Variants in DGKI observed in about 807,000 individuals in gnomAD.
DGKI encodes the protein DAG kinase iota.
DGKI carries 55 observed loss-of-function variants against 147.5 expected under a neutral mutation model. That is an observed-to-expected ratio of 0.37 (90% CI 0.30 to 0.47). The LOEUF (loss-of-function observed/expected upper bound fraction) is 0.47, where lower values mean the gene tolerates loss of function less well. DGKI is among the 20% of genes least tolerant of loss of function. The pLI, the probability that DGKI is intolerant of heterozygous loss-of-function variation, is 1.00. For synonymous variants in DGKI, 469 were observed against 477.1 expected (o/e 0.98, Z 0.22); for missense variants, 1,007 against 1,323.8 (o/e 0.76, Z 3.71).
At chr7:137,510,921 C>T (rs1816559024) in intron 21 of DGKI, among the ~76,000 whole-genome samples, 1 of 152,208 alleles carries the variant, frequency 6.6e-6, no homozygotes, top group Admixed American at 6.5e-5. Context: ...ACATCCCTAG[C>T]AGCTGACAGC....
chr7:137,749,985 G>C (rs1226939911), intron 1 of DGKI, among the ~76,000 whole-genome samples: 3 of 152,198 alleles, frequency 2.0e-5, no homozygotes, highest in African/African-American at 7.2e-5. Context: ...GACTGAGAAA[G>C]TGCAAACAGG....
At chr7:137,750,864 A>C (rs1305392857) in intron 1 of DGKI, among the ~76,000 whole-genome samples, 3 of 152,194 alleles carry the variant, frequency 2.0e-5, no homozygotes, top group African/African-American at 7.2e-5. Context: ...ATCCACAGAG[A>C]ATCTGGCTTG....
chr7:137,800,897 G>C (rs1015551714), intron 1 of DGKI, among the ~76,000 whole-genome samples: 4 of 152,140 alleles, frequency 2.6e-5, no homozygotes, highest in Admixed American at 2.6e-4. Context: ...TATATACTCA[G>C]TAAAGTTTGG....
chr7:137,673,175 C>T (rs1822913412), intron 3 of DGKI, among the ~76,000 whole-genome samples: 1 of 152,134 alleles, frequency 6.6e-6, no homozygotes, highest in Admixed American at 6.5e-5. Flanking sequence ...TGCAACAACC[C>T]TATGTCCAAA....
At chr7:137,530,615 A>G (rs1054519309) in intron 20 of DGKI, among the ~76,000 whole-genome samples, 6 of 152,154 alleles carry the variant, frequency 3.9e-5, no homozygotes, top group African/African-American at 1.4e-4. Context: ...GGTTTTCAAT[A>G]TGTGTTAAAT....
chr7:137,591,803 C>T (rs141011066), intron 12 of DGKI, among the ~76,000 whole-genome samples: 179 of 152,284 alleles, frequency 1.2e-3, no homozygotes, highest in African/African-American at 4.1e-3. Flanking sequence ...CTCTTTCCAA[C>T]CTTCCTCAAT....
intron 23 of DGKI, among the ~76,000 whole-genome samples, chr7:137,484,614 T>C (rs1815488369): frequency 6.6e-6 from 1 of 152,040 alleles, no homozygotes; most frequent in Admixed American, 6.6e-5. Context: ...ATCTACATCA[T>C]GTCTGAGAAA....
In DGKI at chr7:137,406,085, C is replaced by T. The variant is rs551503291; in HGVS notation, c.2920+1790G>A. Among the ~76,000 whole-genome samples the T allele has an allele frequency of 1.1e-3, 164 of 152,182 alleles. 1 individual carries two copies. Among genetic ancestry groups the T allele is most frequent in the Non-Finnish European group, 2.1e-3 (141 of 68,018 alleles). On this transcript the variant is annotated intron_variant, in intron 30 of 32. Transcript: ENST00000614521. The stretch of plus-strand genomic sequence containing the variant: ...TAACTCCAGAGAGAGGGTAGGTGGG[C>T]ACCAAATGGCTTAAGGTATCCAAGC...
intron 21 of DGKI, among the ~76,000 whole-genome samples, chr7:137,520,038 A>G (rs1816909957): frequency 6.6e-6 from 1 of 152,058 alleles, no homozygotes; most frequent in Non-Finnish European, 1.5e-5. Context: ...ATTTTATCAC[A>G]TATGCTGAGT....
chr7:137,596,084 G>A (rs373587555), intron 12 of DGKI, among the ~76,000 whole-genome samples: 10 of 150,100 alleles, frequency 6.7e-5, no homozygotes, highest in East Asian at 5.9e-4. Context: ...GAGGGAGGGA[G>A]AGGTGGAATG....
intron 23 of DGKI, among the ~76,000 whole-genome samples, chr7:137,479,859 A>G (rs1815310029): frequency 6.6e-6 from 1 of 152,082 alleles, no homozygotes; most frequent in Admixed American, 6.6e-5. Flanking sequence ...TTTTTAACAT[A>G]ATGTTGCATA....
intron 15 of DGKI, among the ~76,000 whole-genome samples, chr7:137,581,059 A>AAGAG (rs143276860): frequency 2.6e-5 from 4 of 151,182 alleles, no homozygotes; most frequent in African/African-American, 7.3e-5. Context: ...ATGAGACAGA[A>AAGAG]AGAGAGAGAG....
At chr7:137,647,886 T>A (rs1821885398) in intron 5 of DGKI, among the ~76,000 whole-genome samples, 1 of 152,224 alleles carries the variant, frequency 6.6e-6, no homozygotes, top group Admixed American at 6.5e-5. Context: ...ACTTGAATGG[T>A]CAACATCATT....
At chr7:137,428,221 T>G (rs1249552056) in intron 28 of DGKI, among the ~76,000 whole-genome samples, 1 of 151,046 alleles carries the variant, frequency 6.6e-6, no homozygotes, top group East Asian at 1.9e-4. Context: ...GTGGGCTTCA[T>G]CCCTGGGATG....
In DGKI at chr7:137,751,383, T is replaced by A. The variant is rs117128024; in HGVS notation, c.402-61381A>T. ...GGCAGTTAACTCTCTGAGAATAAGA[T>A]GGTATTCCATTCACCGAGTACCTCT... is the stretch of plus-strand genomic sequence containing the variant. On this transcript the variant is annotated intron_variant, in intron 1 of 32. Coordinates refer to ENST00000614521, the MANE Select transcript of DGKI (RefSeq NM_001321708.2). Among the ~76,000 whole-genome samples, 107 of 152,352 alleles carry A rather than the reference T, an allele frequency of 7.0e-4. 1 individual carries two copies. In the East Asian group the frequency reaches 0.01, roughly 15 times the overall value.
chr7:137,571,373 G>A (rs1314417245), intron 18 of DGKI, 87 bp from the exon 19 acceptor site: 2 of 886,034 alleles, frequency 2.3e-6, no homozygotes, highest in South Asian at 1.7e-5. Flanking sequence ...TAGACCCAAT[G>A]TTTATCAAAC....
intron 14 of DGKI, 94 bp downstream of exon 14, chr7:137,585,115 T>C: frequency 1.4e-6 from 2 of 1,395,784 alleles, no homozygotes; most frequent in Middle Eastern, 2.0e-4. Context: ...TCATAGGAAT[T>C]CATCAGCACA....
At chr7:137,714,224 G>A (rs1215389429) in intron 1 of DGKI, among the ~76,000 whole-genome samples, 1 of 151,674 alleles carries the variant, frequency 6.6e-6, no homozygotes, top group Non-Finnish European at 1.5e-5. Context: ...ACAATATTGG[G>A]CATAAATTCA....
intron 1 of DGKI, among the ~76,000 whole-genome samples, chr7:137,723,170 T>C (rs183367841): frequency 1.3e-3 from 204 of 152,362 alleles, no homozygotes; most frequent in African/African-American, 4.6e-3. Context: ...GAGGCCTTCA[T>C]GGAACCCTTA....
Sources: gnomAD v4.1 joint callset for allele counts (sites outside exome capture counted in the v4.1 genomes callset) on GRCh38, gnomAD v4.1.1 for gene constraint, MANE v1.5 for transcripts, NCBI Gene and HGNC (gene_info 2026-07-23, HGNC 2026-07-21) for gene names.